DOCK9: variants seen among roughly 807,000 people sequenced by gnomAD.
The protein encoded by DOCK9 is dedicator of cytokinesis protein 9.
Under a neutral mutation model 263.3 loss-of-function variants are expected in DOCK9, and 89 were observed. The observed-to-expected ratio is 0.34, with a 90% CI of 0.28 to 0.40. The LOEUF (loss-of-function observed/expected upper bound fraction) is 0.40. Ranked by LOEUF, DOCK9 falls within the 10% of genes least tolerant of loss-of-function variation. The pLI, the probability that DOCK9 is intolerant of heterozygous loss-of-function variation, is 1.00. For missense variants in DOCK9, 2,140 were observed against 2,603.4 expected (o/e 0.82, Z 3.87); for synonymous variants, 976 against 973.1 (o/e 1.00, Z -0.06).
intron 38 of DOCK9, among the ~76,000 whole-genome samples, chr13:98,845,007 G>A (rs2141325735): frequency 6.6e-6 from 1 of 152,264 alleles, no homozygotes; most frequent in South Asian, 2.1e-4. Context: ...GAACAATTTA[G>A]AGAACACAAT....
chr13:98,939,190 A>C (rs2055401916), intron 2 of DOCK9, among the ~76,000 whole-genome samples: 1 of 152,222 alleles, frequency 6.6e-6, no homozygotes. Context: ...TTCAGGAGGA[A>C]ACTGTCAGTG....
intron 1 of DOCK9, among the ~76,000 whole-genome samples, chr13:99,003,185 C>T (rs9554545): frequency 0.21 from 32,030 of 152,172 alleles, 3,943 homozygotes; most frequent in East Asian, 0.43. Flanking sequence ...TTCCTGCGGA[C>T]AGTAAAGATG....
intron 9 of DOCK9, among the ~76,000 whole-genome samples, chr13:98,912,414 C>G (rs2050204788): frequency 6.6e-6 from 1 of 152,008 alleles, no homozygotes; most frequent in South Asian, 2.1e-4. Context: ...CAAATTATAC[C>G]TCAATAAAAA....
chr13:98,960,590 C>T (rs2141099230), intron 1 of DOCK9, among the ~76,000 whole-genome samples: 1 of 152,248 alleles, frequency 6.6e-6, no homozygotes, highest in Admixed American at 6.5e-5. Context: ...AAAGTGATTT[C>T]CCGTGAAATC....
At chr13:99,001,155 G>C (rs984125999) in intron 1 of DOCK9, among the ~76,000 whole-genome samples, 1 of 152,154 alleles carries the variant, frequency 6.6e-6, no homozygotes, top group Non-Finnish European at 1.5e-5. Flanking sequence ...CCCATCTACC[G>C]AACTCACTTC....
At chr13:98,941,681 T>C (rs1411364607) in intron 2 of DOCK9, among the ~76,000 whole-genome samples, 1 of 152,172 alleles carries the variant, frequency 6.6e-6, no homozygotes, top group Non-Finnish European at 1.5e-5. Flanking sequence ...AGTAGCCTTG[T>C]GGTCATTTGG....
chr13:98,868,284 C>T lies in DOCK9; in HGVS notation c.3037G>A (p.Asp1013Asn). 1 of 1,613,982 alleles carries T rather than the reference C, an allele frequency of 6.2e-7. No homozygotes were observed. Among genetic ancestry groups the T allele is most frequent in the Non-Finnish European group, 8.5e-7 (1 of 1,179,872 alleles). ...LMPHITQKFR[D>N]NPEASKNANH... Reference sequence around the variant, plus strand: ...GCGTTCTTAGATGCCTCTGGATTATCTCGAAACTTCTGAGTGATGTGTGGC... The same window carrying T: ...GCGTTCTTAGATGCCTCTGGATTATTTCGAAACTTCTGAGTGATGTGTGGC... Residue 1013 changes from aspartate to asparagine, a missense_variant, in exon 28 of 53, where the codon GAT becomes AAT. Physicochemically the swap from Asp to Asn is conservative, Grantham distance 23. This residue lies in a region of DOCK9 where 1,521 missense variants were observed against 1,741.7 expected (regional missense o/e 0.87). Coordinates refer to ENST00000682017, the MANE Select transcript of DOCK9 (RefSeq NM_001366683.2).
At chr13:98,922,579 T>C (rs2052227072) in intron 5 of DOCK9, among the ~76,000 whole-genome samples, 1 of 151,910 alleles carries the variant, frequency 6.6e-6, no homozygotes, top group Non-Finnish European at 1.5e-5. Flanking sequence ...CAGGGAAAGG[T>C]GAATAAAGCA....
At chr13:98,940,267 C>T (rs1438344571) in intron 2 of DOCK9, among the ~76,000 whole-genome samples, 1 of 152,134 alleles carries the variant, frequency 6.6e-6, no homozygotes, top group Non-Finnish European at 1.5e-5. Context: ...ATGTTTAATT[C>T]CCTAATAATT....
chr13:99,001,991 C>T (rs930173172), intron 1 of DOCK9, among the ~76,000 whole-genome samples: 1 of 152,202 alleles, frequency 6.6e-6, no homozygotes, highest in Non-Finnish European at 1.5e-5. Flanking sequence ...CCACTCCCCA[C>T]CTACGCTTAC....
At chr13:98,972,747 T>A (rs2059866499) in intron 1 of DOCK9, among the ~76,000 whole-genome samples, 1 of 152,236 alleles carries the variant, frequency 6.6e-6, no homozygotes, top group Non-Finnish European at 1.5e-5. Flanking sequence ...GCTGATGGTT[T>A]AAGTGTTGTC....
At chr13:98,932,441 G>T (rs2054121594) in intron 2 of DOCK9, among the ~76,000 whole-genome samples, 1 of 151,318 alleles carries the variant, frequency 6.6e-6, no homozygotes, top group Non-Finnish European at 1.5e-5. Flanking sequence ...CAAAAAAACA[G>T]ATCATAGTCA....
At chr13:99,001,750 C>A (rs977630044) in intron 1 of DOCK9, among the ~76,000 whole-genome samples, 2 of 152,252 alleles carry the variant, frequency 1.3e-5, no homozygotes, top group Non-Finnish European at 2.9e-5. Flanking sequence ...GAGGCAGGAG[C>A]AGGCTGGGAA....
At chr13:98,995,420 A>C (rs1415626814) in intron 1 of DOCK9, among the ~76,000 whole-genome samples, 2 of 152,096 alleles carry the variant, frequency 1.3e-5, no homozygotes, top group Non-Finnish European at 2.9e-5. Context: ...TGTTAAGTGC[A>C]ATGAAAGAAA....
intron 1 of DOCK9, among the ~76,000 whole-genome samples, chr13:99,014,697 A>T (rs1885103594): frequency 6.6e-6 from 1 of 152,204 alleles, no homozygotes; most frequent in Admixed American, 6.5e-5. Flanking sequence ...ATTTTGACAA[A>T]AGCTGTGAGA....
rs1394585547 is a variant in DOCK9, at chr13:98,870,646, A to G, written c.2944-2269T>C. The stretch of plus-strand genomic sequence containing the variant: ...CCATGTAAACCTATTAATCAACATT[A>G]TTATAACTAAAAGTAGAACAGCTGG... On this transcript the variant is annotated intron_variant, in intron 27 of 52. Coordinates refer to ENST00000682017, the MANE Select transcript of DOCK9 (RefSeq NM_001366683.2). Among the ~76,000 whole-genome samples the G allele has an allele frequency of 2.6e-5, 4 of 152,222 alleles. No individual in the cohort carries two copies. The East Asian group carries it at 7.7e-4, about 29-fold the overall frequency.
intron 1 of DOCK9, among the ~76,000 whole-genome samples, chr13:99,056,748 TC>T (rs923523044): frequency 1.2e-4 from 18 of 152,218 alleles, no homozygotes; most frequent in African/African-American, 4.3e-4. Flanking sequence ...CTCTTTCCCT[TC>T]CCCCAGTGGC....
intron 48 of DOCK9, among the ~76,000 whole-genome samples, chr13:98,806,272 T>C (rs2104676): frequency 0.39 from 59,383 of 152,150 alleles, 12,469 homozygotes; most frequent in East Asian, 0.62. Flanking sequence ...CTATTTAACA[T>C]ATAAATGCTT....
At chr13:99,036,094 G>A (rs1295575083) in intron 1 of DOCK9, among the ~76,000 whole-genome samples, 2 of 152,110 alleles carry the variant, frequency 1.3e-5, no homozygotes, top group Non-Finnish European at 2.9e-5. Flanking sequence ...GATCGTTTAA[G>A]CCAATTCCTT....
Sources: gnomAD v4.1 joint callset for allele counts (sites outside exome capture counted in the v4.1 genomes callset) on GRCh38, gnomAD v4.1.1 for gene constraint, gnomAD v4.1.1 regional missense constraint, MANE v1.5 for transcripts, NCBI Gene and HGNC (gene_info 2026-07-23, HGNC 2026-07-21) for gene names.